The following FHIT variants were observed in gnomAD, a reference collection of about 807,000 sequenced individuals.
FHIT encodes fragile histidine triad diadenosine triphosphatase.
A neutral mutation model predicts 17.9 loss-of-function variants in FHIT; 19 were observed. That is an observed-to-expected ratio of 1.06 (90% CI 0.74 to 1.56). The LOEUF (loss-of-function observed/expected upper bound fraction) is 1.56, where lower values mean the gene tolerates loss of function less well. Among genes scored for constraint, FHIT ranks in the 40% most tolerant of loss-of-function variants. The pLI is 0.00. For synonymous variants in FHIT, 81 were observed against 69.7 expected, an observed-to-expected ratio of 1.16 and a Z score of -0.81; for missense variants, 248 against 189.2, an observed-to-expected ratio of 1.31 and a Z score of -1.82.
At position 60,692,818 on chromosome 3, in the gene FHIT, A is replaced by AT. The variant is rs1466565071; in HGVS notation, c.-18+129100dup. On this transcript the variant is annotated intron_variant, in intron 4 of 9. Coordinates refer to ENST00000492590, the MANE Select transcript of FHIT (RefSeq NM_002012.4). ...ACCACTATTTGCATTCTTCACATGC[A>AT]TATGCAAAAGATGTCTTCATTAAAA... 3.9e-5 allele frequency among the ~76,000 whole-genome samples: 6 copies of AT among 152,258 alleles called. No individual in the cohort carries two copies. In the East Asian group the frequency reaches 1.2e-3, roughly 29 times the overall value.
chr3:60,146,576 G>A (rs1389768677), intron 5 of FHIT, among the ~76,000 whole-genome samples: 4 of 152,150 alleles, frequency 2.6e-5, no homozygotes, highest in Non-Finnish European at 5.9e-5. Flanking sequence ...TTACCACAGA[G>A]GAATGAAGTA....
In FHIT at chr3:60,390,409, A is replaced by C. The variant is rs1432888895; in HGVS notation, c.103+146451T>G. 6.0e-5 allele frequency among the ~76,000 whole-genome samples: 7 copies of C among 115,798 alleles called. No homozygotes were observed. The East Asian group carries it at 1.1e-3, about 18-fold the overall frequency. 76.0% of individuals were successfully genotyped at this position (115,798 alleles called of 152,430 possible). A position where few individuals can be genotyped will look rare whatever the true frequency, so the allele number is the denominator to read the frequency against. ...TTGTAATGGAGCTAAAAAAAAAAAA[A>C]AAAAAAAAAAAAAAAAAAACCCGTA... On this transcript the variant is annotated intron_variant, in intron 5 of 9. Transcript: ENST00000492590.
chr3:60,570,737 T>TAAAAAAAAAA (rs10637926), intron 4 of FHIT, among the ~76,000 whole-genome samples: 17 of 132,468 alleles, frequency 1.3e-4, no homozygotes, highest in Admixed American at 2.3e-4. Context: ...ATTAAAAAAT[T>TAAAAAAAAAA]AAAAAAAAAA....
chr3:60,789,542 A>G, intron 4 of FHIT, among the ~76,000 whole-genome samples: 1 of 152,074 alleles, frequency 6.6e-6, no homozygotes, highest in East Asian at 1.9e-4. Context: ...CAAAATACCA[A>G]GGTTAACCTG....
intron 5 of FHIT, among the ~76,000 whole-genome samples, chr3:60,457,981 G>T (rs550953720): frequency 3.3e-5 from 5 of 152,250 alleles, no homozygotes; most frequent in African/African-American, 1.2e-4. Context: ...TTACACTGTT[G>T]GTAGGAATGT....
intron 4 of FHIT, among the ~76,000 whole-genome samples, chr3:60,791,912 A>G (rs1330034657): frequency 6.6e-6 from 1 of 152,220 alleles, no homozygotes; most frequent in East Asian, 1.9e-4. Context: ...GGGGAAGTGG[A>G]AGGTAAGCAG....
At chr3:59,979,209 G>A (rs1708543070) in intron 7 of FHIT, among the ~76,000 whole-genome samples, 1 of 152,100 alleles carries the variant, frequency 6.6e-6, no homozygotes, top group African/African-American at 2.4e-5. Flanking sequence ...GAAGCAGCCA[G>A]GGAAATTCCA....
chr3:60,742,141 G>A (rs1559686257), intron 4 of FHIT, among the ~76,000 whole-genome samples: 1 of 152,124 alleles, frequency 6.6e-6, no homozygotes, highest in Non-Finnish European at 1.5e-5. Flanking sequence ...AGTGTCACAA[G>A]GTCTTAGAAA....
chr3:60,212,384 T>A (rs543975684), intron 5 of FHIT, among the ~76,000 whole-genome samples: 1 of 152,164 alleles, frequency 6.6e-6, no homozygotes, highest in South Asian at 2.1e-4. Context: ...GTTAGGGTAT[T>A]TGTTGGATTT....
intron 5 of FHIT, among the ~76,000 whole-genome samples, chr3:60,418,361 T>G: frequency 7.5e-6 from 1 of 133,568 alleles, no homozygotes; most frequent in Non-Finnish European, 1.6e-5. Context: ...CCTATATATA[T>G]GTATCTGAAT....
chr3:60,492,838 G>A (rs2034125100), intron 5 of FHIT, among the ~76,000 whole-genome samples: 1 of 152,054 alleles, frequency 6.6e-6, no homozygotes, highest in Non-Finnish European at 1.5e-5. Flanking sequence ...TAAAAGCCAT[G>A]TGCACAAAAG....
At chr3:60,916,830 G>A (rs782527274) in intron 3 of FHIT, among the ~76,000 whole-genome samples, 1 of 152,284 alleles carries the variant, frequency 6.6e-6, no homozygotes, top group Non-Finnish European at 1.5e-5. Flanking sequence ...ATAGCATGCA[G>A]TAGTCTGATG....
intron 2 of FHIT, among the ~76,000 whole-genome samples, chr3:61,078,813 A>G (rs2035045363): frequency 6.6e-6 from 1 of 152,226 alleles, no homozygotes; most frequent in Non-Finnish European, 1.5e-5. Context: ...CAGATACTTT[A>G]TTAACAATGA....
intron 7 of FHIT, among the ~76,000 whole-genome samples, chr3:59,988,855 G>A (rs765339097): frequency 2.0e-5 from 3 of 152,226 alleles, no homozygotes; most frequent in Non-Finnish European, 4.4e-5. Context: ...CGAGCAGGAG[G>A]AAACAGGGGC....
At chr3:59,982,628 G>A (rs564417460) in intron 7 of FHIT, among the ~76,000 whole-genome samples, 123 of 152,252 alleles carry the variant, frequency 8.1e-4, no homozygotes, top group African/African-American at 2.6e-3. Flanking sequence ...CTCAATTTCC[G>A]GTATATGCCG....
At chr3:60,683,781 G>A (rs2040803992) in intron 4 of FHIT, among the ~76,000 whole-genome samples, 1 of 152,066 alleles carries the variant, frequency 6.6e-6, no homozygotes, top group African/African-American at 2.4e-5. Context: ...TTCACTAGAG[G>A]GTTGGTTTGA....
intron 5 of FHIT, among the ~76,000 whole-genome samples, chr3:60,298,438 C>A (rs193209045): frequency 6.6e-6 from 1 of 152,092 alleles, no homozygotes; most frequent in African/African-American, 2.4e-5. Flanking sequence ...ATTGTGCACC[C>A]GGAACCAGGG....
chr3:61,098,793 T>G (rs187919148), intron 2 of FHIT, among the ~76,000 whole-genome samples: 7 of 152,364 alleles, frequency 4.6e-5, no homozygotes, highest in Admixed American at 4.6e-4. Flanking sequence ...TTTTTGCACA[T>G]GGATTTTGCA....
chr3:60,102,032 T>C (rs1047291873), intron 5 of FHIT, among the ~76,000 whole-genome samples: 6 of 152,220 alleles, frequency 3.9e-5, no homozygotes, highest in African/African-American at 1.4e-4. Flanking sequence ...CAAGGCAAAG[T>C]TAAATGTGGC....
Sources: allele counts gnomAD v4.1 joint callset (sites outside exome capture counted in the v4.1 genomes callset), GRCh38; gene constraint gnomAD v4.1.1; transcripts MANE v1.5; gene names NCBI Gene and HGNC (gene_info 2026-07-23, HGNC 2026-07-21).